The following ZNF667 variants were observed in gnomAD, a reference collection of about 807,000 sequenced individuals.
ZNF667 encodes zinc finger protein 667, also known as myocardial ischemic preconditioning upregulated 1 ortholog.
Under a neutral mutation model 31.8 loss-of-function variants are expected in ZNF667, and 13 were observed. The ratio of observed to expected loss-of-function variants is 0.41; its 90% confidence interval spans 0.27 to 0.65. The LOEUF is 0.65. ZNF667 is among the 30% of genes least tolerant of loss of function. ZNF667 has a pLI of 0.32. For missense variants in ZNF667, 642 were observed against 725.6 expected, an observed-to-expected ratio of 0.88 and a Z score of 1.32; for synonymous variants, 228 against 247.1, an observed-to-expected ratio of 0.92 and a Z score of 0.73.
In ZNF667 at chr19:56,458,314, T is replaced by C. The variant is rs569431993; in HGVS notation, c.161-67A>G. ...CACCACAGAAGTCAGAGCCACGCTC[T>C]GCATCAACAGGAATGCAGGTTTAGT... On this transcript the variant is annotated intron_variant, in intron 5 of 6. Coordinates refer to ENST00000504904, the MANE Select transcript of ZNF667 (RefSeq NM_001321356.2). 5 of 1,396,696 alleles carry C rather than the reference T, an allele frequency of 3.6e-6. No individual in the cohort carries two copies. In the South Asian group the frequency reaches 4.7e-5, roughly 13 times the overall value. The allele number at this position is 1,396,696 out of a possible 1,614,324, so 86.5% of individuals were successfully genotyped here.
In ZNF667 at chr19:56,474,066, T is replaced by C. The variant is rs2043349522; in HGVS notation, c.-603A>G. 1.3e-5 allele frequency: 2 copies of C among 152,132 alleles called. No individual in the cohort carries two copies. Among genetic ancestry groups the C allele is most frequent in the Non-Finnish European group, 2.9e-5 (2 of 68,034 alleles). 9.4% of individuals were successfully genotyped at this position (152,132 alleles called of 1,614,324 possible). A position where few individuals can be genotyped will look rare whatever the true frequency, so the allele number is the denominator to read the frequency against. ...CGTCTTCCGAGTCCCTGATGATAGATGAGAAAGGGCTTTGAAAGGCACAAA... is the reference window on the plus strand; with the variant it reads ...CGTCTTCCGAGTCCCTGATGATAGACGAGAAAGGGCTTTGAAAGGCACAAA... On this transcript the variant is annotated 5_prime_UTR_variant, in exon 2 of 7. Transcript: ENST00000504904.
rs767515016 is a variant in ZNF667 at position 56,460,785 on chromosome 19, A to T, written c.64T>A (p.Tyr22Asn). Residue 22 changes from tyrosine (Y) to asparagine (N), a missense_variant, in exon 5 of 7, where the codon TAC becomes AAC. Transcript: ENST00000504904. Reference protein sequence around the residue: ...APITFGDLAIYFSQEEWEWLS... With the variant: ...APITFGDLAINFSQEEWEWLS... ...CATTCCCACTCCTCCTGGGAGAAGT[A>T]GATGGCTAAGTCCCCAAATGTTATA... 6.2e-7 allele frequency: 1 copy of T among 1,610,102 alleles called. No individual in the cohort carries two copies. Among genetic ancestry groups the T allele is most frequent in the Non-Finnish European group, 8.5e-7 (1 of 1,178,598 alleles).
At position 56,458,164 on chromosome 19, in the gene ZNF667, G is replaced by C. The variant is rs760386283; in HGVS notation, c.244C>G (p.Arg82Gly). 5 of 1,613,996 alleles carry C rather than the reference G, an allele frequency of 3.1e-6. No homozygotes were observed. In the African/African-American group the frequency reaches 6.7e-5, roughly 22 times the overall value. ...PWMVEPVRRR[R>G]APDSGSKCET... Reference sequence around the variant, plus strand: ...GTTCTCTGTCACTCACCAGGAGCCCGGCGTCTTCTTACTGGCTCTACCATC... The same window carrying C: ...GTTCTCTGTCACTCACCAGGAGCCCCGCGTCTTCTTACTGGCTCTACCATC... Residue 82 changes from arginine (R) to glycine (G), a missense_variant, in exon 6 of 7, where the codon CGG becomes GGG. Physicochemically the swap from Arg to Gly is moderately radical, Grantham distance 125. Coordinates refer to ENST00000504904, the MANE Select transcript of ZNF667 (RefSeq NM_001321356.2).
At chr19:56,466,610 G>A (rs984720368) in intron 3 of ZNF667, among the ~76,000 whole-genome samples, 3 of 152,140 alleles carry the variant, frequency 2.0e-5, no homozygotes, top group African/African-American at 7.2e-5. Context: ...TGAGTAGCTA[G>A]GCGCTCACAA....
intron 6 of ZNF667, chr19:56,449,560 TA>T: frequency 3.9e-6 from 1 of 256,484 alleles, no homozygotes; most frequent in Admixed American, 4.8e-5. Flanking sequence ...GACACACCTG[TA>T]ATCCCAGCCG....
chr19:56,462,243 C>G (rs1156996613), intron 4 of ZNF667, 95 bp downstream of exon 4: 2 of 1,504,966 alleles, frequency 1.3e-6, no homozygotes. Flanking sequence ...GATGGATCTC[C>G]AACAGGCAAC....
chr19:56,449,703 G>T (rs1350023928), intron 6 of ZNF667: 1 of 141,344 alleles, frequency 7.1e-6, no homozygotes, highest in Non-Finnish European at 1.5e-5. Context: ...AAAAAAAAAA[G>T]CTATTTTGAG....
intron 3 of ZNF667, chr19:56,467,137 T>A: frequency 2.3e-6 from 1 of 440,348 alleles, no homozygotes; most frequent in South Asian, 1.6e-5. Context: ...TAGCACTGTG[T>A]GCCATGCCGG....
intron 3 of ZNF667, among the ~76,000 whole-genome samples, chr19:56,471,089 A>G (rs1390535131): frequency 1.3e-5 from 2 of 152,078 alleles, no homozygotes; most frequent in African/African-American, 4.8e-5. Flanking sequence ...GTTGAGCACC[A>G]TCCCTTTGGT....
intron 6 of ZNF667, among the ~76,000 whole-genome samples, chr19:56,451,226 C>G (rs1378970156): frequency 6.6e-6 from 1 of 151,446 alleles, no homozygotes; most frequent in Non-Finnish European, 1.5e-5. Context: ...TGGAAAGATA[C>G]AAAGAAAGTC....
chr19:56,441,292 G>A lies in ZNF667; in HGVS notation c.1703C>T (p.Ser568Leu), dbSNP rs1330928807. The A allele has an allele frequency of 1.2e-6, 2 of 1,614,072 alleles. No individual in the cohort carries two copies. Among genetic ancestry groups the A allele is most frequent in the African/African-American group, 2.7e-5 (2 of 74,930 alleles). Reference protein sequence around the residue: ...NECGKAFSSGSDLIRHQRSHS... With the variant: ...NECGKAFSSGLDLIRHQRSHS... Reference sequence around the variant, plus strand: ...ACTTCTCTGATGTCGAATAAGGTCTGAGCCACTGCTAAATGCCTTCCCACA... The same window carrying A: ...ACTTCTCTGATGTCGAATAAGGTCTAAGCCACTGCTAAATGCCTTCCCACA... Residue 568 changes from serine to leucine, a missense_variant, in exon 7 of 7, where the codon TCA (serine) becomes TTA (leucine). Physicochemically the swap from Ser to Leu is moderately radical, Grantham distance 145. Transcript: ENST00000504904. This position sits in a 1 kb window ranked among gnomAD's most constrained non-coding sequence, Gnocchi z 4.2.
intron 1 of ZNF667, 82 bp from the exon 2 acceptor site, chr19:56,474,206 T>G (rs2147852744): frequency 6.6e-6 from 1 of 152,434 alleles, no homozygotes; most frequent in Admixed American, 6.5e-5. Context: ...GGCCTTCCCC[T>G]CCTGCCCTGG....
chr19:56,449,840 CAAATT>C (rs1464563707), intron 6 of ZNF667, among the ~76,000 whole-genome samples: 8 of 151,524 alleles, frequency 5.3e-5, no homozygotes, highest in African/African-American at 1.7e-4. Flanking sequence ...ATTCAGTTGA[CAAATT>C]AAAGAATGCA....
intron 6 of ZNF667, among the ~76,000 whole-genome samples, chr19:56,452,919 A>C (rs1038310693): frequency 4.5e-5 from 6 of 133,668 alleles, no homozygotes; most frequent in African/African-American, 1.9e-4. Context: ...ACTCTGTCTC[A>C]AAAAAAAAAA....
intron 3 of ZNF667, among the ~76,000 whole-genome samples, chr19:56,467,548 TC>T (rs2043189578): frequency 6.6e-6 from 1 of 152,078 alleles, no homozygotes; most frequent in African/African-American, 2.4e-5. Context: ...CAGAATCAGA[TC>T]CCAGAGCTTG....
chr19:56,444,335 G>T, intron 6 of ZNF667: 1 of 398,042 alleles, frequency 2.5e-6, no homozygotes, highest in South Asian at 1.3e-4. Flanking sequence ...GGTGAAACAA[G>T]GAGAGAGAGT....
intron 5 of ZNF667, 57 bp downstream of exon 5, chr19:56,460,632 A>G (rs1477509834): frequency 3.9e-6 from 6 of 1,555,634 alleles, no homozygotes; most frequent in Non-Finnish European, 5.2e-6. Context: ...CTAGACCCAG[A>G]GTGATGCATG....
intron 4 of ZNF667, 35 bp downstream of exon 4, chr19:56,462,302 TG>T (rs1157201502): frequency 5.6e-5 from 91 of 1,613,746 alleles, no homozygotes; most frequent in Non-Finnish European, 7.6e-5. Context: ...CAAGACACGA[TG>T]GGGTGTTCCG....
chr19:56,475,585 G>A (rs2043388559), intron 1 of ZNF667: 3 of 152,098 alleles, frequency 2.0e-5, no homozygotes, highest in Admixed American at 2.0e-4. Flanking sequence ...GCCCAGGGTT[G>A]CTGCACAACA....
Sources: allele counts gnomAD v4.1 joint callset (sites outside exome capture counted in the v4.1 genomes callset), GRCh38; gene constraint gnomAD v4.1.1; non-coding constraint Gnocchi (gnomAD v3.1); transcripts MANE v1.5; gene names NCBI Gene and HGNC (gene_info 2026-07-23, HGNC 2026-07-21).